GRIK4: variants seen among roughly 807,000 people sequenced by gnomAD.
The protein encoded by GRIK4 is glutamate ionotropic receptor kainate type subunit 4, also known as glutamate receptor ionotropic, kainate 4.
GRIK4 carries 40 observed loss-of-function variants against 104.9 expected under a neutral mutation model. The ratio of observed to expected loss-of-function variants is 0.38; its 90% confidence interval spans 0.30 to 0.50. The LOEUF is 0.50. Ranked by LOEUF, GRIK4 falls within the 20% of genes least tolerant of loss-of-function variation. GRIK4 has a pLI of 0.93. For missense variants in GRIK4, 1,047 were observed against 1,308.1 expected (o/e 0.80, Z 3.08); for synonymous variants, 485 against 524.9 (o/e 0.92, Z 1.04).
chr11:120,581,215 C>CATTT (rs1948576635), intron 1 of GRIK4, among the ~76,000 whole-genome samples: 1 of 152,136 alleles, frequency 6.6e-6, no homozygotes, highest in Non-Finnish European at 1.5e-5. Flanking sequence ...CTTGTCTTTT[C>CATTT]ATTTTCTCTC....
chr11:120,739,682 G>A (rs1951292048), intron 3 of GRIK4, among the ~76,000 whole-genome samples: 1 of 152,194 alleles, frequency 6.6e-6, no homozygotes, highest in Non-Finnish European at 1.5e-5. Flanking sequence ...GCAAAATTCT[G>A]CATTGCAATA....
rs116591958 is a variant in GRIK4 at position 120,895,524 on chromosome 11, G to A, written c.1165-3008G>A. On this transcript the variant is annotated intron_variant, in intron 11 of 20. Transcript: ENST00000527524. ...CCAAGGAGAAGAAAGCTATGTATTT[G>A]GACTTCTTAATGGAATGGCCCTAGA... Among the ~76,000 whole-genome samples, 252 of 152,280 alleles carry A rather than the reference G, an allele frequency of 1.7e-3. 1 individual carries two copies. The highest frequency in any genetic ancestry group is 5.8e-3 in the African/African-American group (242 of 41,572).
intron 3 of GRIK4, among the ~76,000 whole-genome samples, chr11:120,751,123 C>A (rs1209696000): frequency 6.6e-6 from 1 of 152,190 alleles, no homozygotes; most frequent in East Asian, 1.9e-4. Flanking sequence ...ATTCTTTTCA[C>A]CTTGGCATGG....
At chr11:120,815,290 G>A in intron 4 of GRIK4, 88 bp from the exon 5 acceptor site, 1 of 733,854 alleles carries the variant, frequency 1.4e-6, no homozygotes, top group South Asian at 1.6e-5. Flanking sequence ...TGAGGGGGCA[G>A]CGGGTGAAGA....
rs549590446 is a variant in GRIK4, at chr11:120,576,836, G to A, written c.-159+64949G>A. On this transcript the variant is annotated intron_variant, in intron 1 of 20. Coordinates refer to ENST00000527524, the MANE Select transcript of GRIK4 (RefSeq NM_014619.5). The stretch of plus-strand genomic sequence containing the variant: ...TGACCACCAGCCTGTGCTGGGCCCG[G>A]GACATGGCCGGCTAATGTTTGGTTC... 2.0e-5 allele frequency among the ~76,000 whole-genome samples: 3 copies of A among 152,284 alleles called. No homozygotes were observed. The South Asian group carries it at 6.2e-4, about 32-fold the overall frequency.
At chr11:120,867,424 C>T (rs979514448) in intron 9 of GRIK4, among the ~76,000 whole-genome samples, 6 of 152,086 alleles carry the variant, frequency 3.9e-5, no homozygotes, top group African/African-American at 1.2e-4. Flanking sequence ...CTCATGGGGA[C>T]GTTCTCTCTT....
At chr11:120,936,267 T>A in intron 13 of GRIK4, 1 of 505,716 alleles carries the variant, frequency 2.0e-6, no homozygotes, top group Non-Finnish European at 3.9e-6. Context: ...TTAGTCCACA[T>A]CTTCCAGCTC....
intron 3 of GRIK4, among the ~76,000 whole-genome samples, chr11:120,780,827 C>T (rs1235296605): frequency 1.3e-5 from 2 of 152,084 alleles, no homozygotes; most frequent in African/African-American, 2.4e-5. Context: ...CTGCAAGCTC[C>T]GCCTCCCAGG....
At chr11:120,554,006 G>A (rs1327359784) in intron 1 of GRIK4, among the ~76,000 whole-genome samples, 7 of 152,112 alleles carry the variant, frequency 4.6e-5, no homozygotes, top group African/African-American at 1.7e-4. Flanking sequence ...GTGCAGATGA[G>A]ACTAAGATGG....
In GRIK4 at chr11:120,679,688, G is replaced by A. The variant is rs58708223; in HGVS notation, c.82+19288G>A. Among the ~76,000 whole-genome samples, 1,292 of 152,274 alleles carry A rather than the reference G, an allele frequency of 8.5e-3. 14 individuals carry two copies. The highest frequency in any genetic ancestry group is 0.029 in the African/African-American group (1,206 of 41,550). ...CCTGGCAGGGAGGACTTGTCTAACTGAACCTCCCCTGCCCACCTCAGACAT... is the reference window on the plus strand; with the variant it reads ...CCTGGCAGGGAGGACTTGTCTAACTAAACCTCCCCTGCCCACCTCAGACAT... On this transcript the variant is annotated intron_variant, in intron 3 of 20. Coordinates refer to ENST00000527524, the MANE Select transcript of GRIK4 (RefSeq NM_014619.5).
intron 3 of GRIK4, among the ~76,000 whole-genome samples, chr11:120,781,036 C>T (rs1337009107): frequency 6.6e-6 from 1 of 152,198 alleles, no homozygotes; most frequent in African/African-American, 2.4e-5. Context: ...GCCACTGCAC[C>T]TGGCCACATT....
intron 11 of GRIK4, among the ~76,000 whole-genome samples, chr11:120,878,766 C>T (rs943405597): frequency 6.6e-6 from 1 of 152,146 alleles, no homozygotes. Context: ...TCCCAATCAC[C>T]GCCCGATCTT....
rs371087790 is a variant in GRIK4 at position 120,545,938 on chromosome 11, C to T, written c.-159+34051C>T. Among the ~76,000 whole-genome samples, 13 of 152,286 alleles carry T rather than the reference C, an allele frequency of 8.5e-5. No homozygotes were observed. In the South Asian group the frequency reaches 2.5e-3, roughly 29 times the overall value. On this transcript the variant is annotated intron_variant, in intron 1 of 20. Transcript: ENST00000527524. ...CAGAGCCAAGGGTGGCACCCAGGCT[C>T]CACCCTTCCTGCTCTGACCAGATGG...
chr11:120,579,229 C>T (rs1200591902), intron 1 of GRIK4, among the ~76,000 whole-genome samples: 1 of 151,928 alleles, frequency 6.6e-6, no homozygotes, highest in African/African-American at 2.4e-5. Context: ...AAAATAACCC[C>T]CCCCCCTTTT....
At chr11:120,695,233 C>T (rs979490878) in intron 3 of GRIK4, among the ~76,000 whole-genome samples, 1 of 152,212 alleles carries the variant, frequency 6.6e-6, no homozygotes, top group Non-Finnish European at 1.5e-5. Context: ...TATAGGGCCA[C>T]CCCAACATGG....
chr11:120,913,856 T>TAAAAAA (rs36119057), intron 13 of GRIK4, among the ~76,000 whole-genome samples: 1 of 132,750 alleles, frequency 7.5e-6, no homozygotes. Context: ...TTTGCTGAAC[T>TAAAAAA]AAAAAAAAAA....
At chr11:120,918,157 C>T (rs748023193) in intron 13 of GRIK4, among the ~76,000 whole-genome samples, 33 of 152,214 alleles carry the variant, frequency 2.2e-4, no homozygotes, top group Non-Finnish European at 2.1e-4. Context: ...CAGTTCAGCA[C>T]GCAGGGACCA....
At chr11:120,843,583 C>A (rs1353201827) in intron 8 of GRIK4, among the ~76,000 whole-genome samples, 1 of 152,204 alleles carries the variant, frequency 6.6e-6, no homozygotes, top group East Asian at 1.9e-4. Flanking sequence ...CCCATTTAAA[C>A]CTCACGACAA....
chr11:120,650,368 A>G (rs1306663339), intron 1 of GRIK4, among the ~76,000 whole-genome samples: 1 of 152,238 alleles, frequency 6.6e-6, no homozygotes, highest in Admixed American at 6.5e-5. Context: ...GCAGAAAAGA[A>G]GCTCTAGCTT....
Sources: allele counts gnomAD v4.1 joint callset (sites outside exome capture counted in the v4.1 genomes callset), GRCh38; gene constraint gnomAD v4.1.1; transcripts MANE v1.5; gene names NCBI Gene and HGNC (gene_info 2026-07-23, HGNC 2026-07-21).